Variants in LIN7A observed in about 807,000 individuals in gnomAD.
LIN7A encodes the protein protein lin-7 homolog A.
A neutral mutation model predicts 29.8 loss-of-function variants in LIN7A; 25 were observed. That is an observed-to-expected ratio of 0.84 (90% CI 0.61 to 1.17). The LOEUF (loss-of-function observed/expected upper bound fraction) is 1.17. LIN7A is among the 50% of genes most tolerant of loss of function. The pLI is 0.00. For synonymous variants in LIN7A, 118 were observed against 107.5 expected (o/e 1.10, Z -0.60); for missense variants, 239 against 287.0 (o/e 0.83, Z 1.21).
chr12:80,904,431 C>T (rs1876374136), intron 1 of LIN7A, among the ~76,000 whole-genome samples: 1 of 152,048 alleles, frequency 6.6e-6, no homozygotes, highest in Admixed American at 6.6e-5. Flanking sequence ...AATTTTGTAT[C>T]CTTTGACCTA....
At chr12:80,856,088 C>A (rs1873580728) in intron 2 of LIN7A, among the ~76,000 whole-genome samples, 1 of 151,952 alleles carries the variant, frequency 6.6e-6, no homozygotes, top group East Asian at 1.9e-4. Context: ...TGCGGCCAGC[C>A]ATTTTTTGCA....
chr12:80,865,589 G>T (rs1784025713), intron 2 of LIN7A, among the ~76,000 whole-genome samples: 1 of 152,200 alleles, frequency 6.6e-6, no homozygotes, highest in Non-Finnish European at 1.5e-5. Flanking sequence ...ATGGTCAGGA[G>T]TTACAGTGCT....
chr12:80,905,251 G>A (rs927880714), intron 1 of LIN7A, among the ~76,000 whole-genome samples: 39 of 151,738 alleles, frequency 2.6e-4, no homozygotes, highest in Non-Finnish European at 5.0e-4. Context: ...GTGCAGTGGC[G>A]TGATCTCAGC....
intron 1 of LIN7A, among the ~76,000 whole-genome samples, chr12:80,907,265 A>T (rs535592895): frequency 1.0e-3 from 154 of 152,264 alleles, no homozygotes; most frequent in African/African-American, 3.5e-3. Context: ...TGTGTGCAGT[A>T]ACACCCTTTT....
At chr12:80,839,802 A>G (rs1397846923) in intron 4 of LIN7A, among the ~76,000 whole-genome samples, 1 of 152,244 alleles carries the variant, frequency 6.6e-6, no homozygotes, top group Non-Finnish European at 1.5e-5. Context: ...TAAAATGTAA[A>G]AAAAGCCGAT....
At chr12:80,823,490 CT>C (rs1250554469) in intron 4 of LIN7A, among the ~76,000 whole-genome samples, 5 of 152,250 alleles carry the variant, frequency 3.3e-5, no homozygotes, top group African/African-American at 1.2e-4. Flanking sequence ...GCTGCCCACC[CT>C]GCCACAGCCA....
intron 5 of LIN7A, among the ~76,000 whole-genome samples, chr12:80,798,833 A>G (rs1396124623): frequency 6.6e-6 from 1 of 151,794 alleles, no homozygotes; most frequent in Non-Finnish European, 1.5e-5. Flanking sequence ...CCCAGACTCA[A>G]GCGATTCTTC....
chr12:80,796,082 A>G lies in LIN7A; in HGVS notation c.*1645T>C, dbSNP rs1348240108. On this transcript the variant is annotated 3_prime_UTR_variant, in exon 6 of 6. Coordinates refer to ENST00000552864, the MANE Select transcript of LIN7A (RefSeq NM_004664.4). ...TGACAATACTATCACCCAACAGGGC[A>G]TAATAAAATGTGCTGGGTAGTTTTG... 6.6e-6 allele frequency: 1 copy of G among 152,214 alleles called. No individual in the cohort carries two copies. The highest frequency in any genetic ancestry group is 1.5e-5 in the Non-Finnish European group (1 of 68,020). 9.4% of individuals were successfully genotyped at this position (152,214 alleles called of 1,614,324 possible).
rs1195754642 is a variant in LIN7A at position 80,793,205 on chromosome 12, A to G, written c.*4522T>C. 6.6e-6 allele frequency: 1 copy of G among 152,162 alleles called. No homozygotes were observed. Among genetic ancestry groups the G allele is most frequent in the Non-Finnish European group, 1.5e-5 (1 of 68,022 alleles). The allele number at this position is 152,162 out of a possible 1,614,324, so 9.4% of individuals were successfully genotyped here. ...CTGTGCTTCAGTTTTTGTATCTATA[A>G]AATGGAACCTACTGAATAGAGTTGT... is the stretch of plus-strand genomic sequence containing the variant. On this transcript the variant is annotated 3_prime_UTR_variant, in exon 6 of 6. Coordinates refer to ENST00000552864, the MANE Select transcript of LIN7A (RefSeq NM_004664.4).
chr12:80,858,583 C>T (rs895585245), intron 2 of LIN7A, among the ~76,000 whole-genome samples: 4 of 151,090 alleles, frequency 2.6e-5, no homozygotes, highest in African/African-American at 9.8e-5. Flanking sequence ...CCTTGTTACA[C>T]AGTCAGAATC....
intron 1 of LIN7A, among the ~76,000 whole-genome samples, chr12:80,896,147 G>A (rs1479928138): frequency 1.3e-5 from 2 of 152,176 alleles, no homozygotes; most frequent in Non-Finnish European, 2.9e-5. Flanking sequence ...ATGACCTTTG[G>A]ACTGAGACTG....
intron 2 of LIN7A, among the ~76,000 whole-genome samples, chr12:80,872,650 A>G (rs1276065892): frequency 6.6e-6 from 1 of 152,318 alleles, no homozygotes; most frequent in African/African-American, 2.4e-5. Flanking sequence ...ACTTGATAAA[A>G]TTCTTTGTCA....
chr12:80,911,976 T>A (rs1876770613), intron 1 of LIN7A, among the ~76,000 whole-genome samples: 1 of 150,486 alleles, frequency 6.6e-6, no homozygotes, highest in African/African-American at 2.4e-5. Flanking sequence ...AAGTACTTCA[T>A]CACATTTTAT....
rs940784844 is a variant in LIN7A, at chr12:80,795,310, A to G, written c.*2417T>C. ...ATTTCAACCAACAAGATTTTACTGA[A>G]GGAAAATGGTCATTTGTATATGAGA... On this transcript the variant is annotated 3_prime_UTR_variant, in exon 6 of 6. Coordinates refer to ENST00000552864, the MANE Select transcript of LIN7A (RefSeq NM_004664.4). 2.0e-5 allele frequency: 3 copies of G among 152,146 alleles called. No individual in the cohort carries two copies. The highest frequency in any genetic ancestry group is 7.2e-5 in the African/African-American group (3 of 41,458). The allele number at this position is 152,146 out of a possible 1,614,324, so 9.4% of individuals were successfully genotyped here. A position where few individuals can be genotyped will look rare whatever the true frequency, so the allele number is the denominator to read the frequency against.
chr12:80,815,837 G>A (rs760432869), intron 4 of LIN7A, among the ~76,000 whole-genome samples: 1 of 152,120 alleles, frequency 6.6e-6, no homozygotes, highest in Non-Finnish European at 1.5e-5. Flanking sequence ...TGCAATGGAC[G>A]TCTGGTAAAA....
intron 5 of LIN7A, among the ~76,000 whole-genome samples, chr12:80,808,507 C>CTT (rs200750392): frequency 3.5e-4 from 48 of 137,384 alleles, no homozygotes; most frequent in Middle Eastern, 3.8e-3. Flanking sequence ...TTTCTTTTTT[C>CTT]TTTTTTTTTT....
At chr12:80,849,182 A>G (rs372952702) in intron 2 of LIN7A, among the ~76,000 whole-genome samples, 1 of 152,170 alleles carries the variant, frequency 6.6e-6, no homozygotes, top group African/African-American at 2.4e-5. Context: ...GAGGTGTTCA[A>G]TTTCTATGGG....
intron 4 of LIN7A, chr12:80,841,814 A>G: frequency 1.2e-6 from 1 of 862,574 alleles, no homozygotes; most frequent in Non-Finnish European, 1.4e-6. Flanking sequence ...AATTGCGGAG[A>G]AAACACTTGA....
intron 1 of LIN7A, among the ~76,000 whole-genome samples, chr12:80,907,584 C>T (rs1876550364): frequency 6.6e-6 from 1 of 152,066 alleles, no homozygotes. Context: ...TCTTTTCTGG[C>T]TCTAAAGAAT....
Sources: allele counts gnomAD v4.1 joint callset (sites outside exome capture counted in the v4.1 genomes callset), GRCh38; gene constraint gnomAD v4.1.1; transcripts MANE v1.5; gene names NCBI Gene and HGNC (gene_info 2026-07-23, HGNC 2026-07-21).